Variants in RBMS3 observed in about 807,000 individuals in gnomAD.
RBMS3 encodes the protein RNA-binding motif, single-stranded-interacting protein 3.
A neutral mutation model predicts 66.8 loss-of-function variants in RBMS3; 27 were observed. The ratio of observed to expected loss-of-function variants is 0.40; its 90% CI spans 0.30 to 0.56. The LOEUF (loss-of-function observed/expected upper bound fraction) is 0.56, where lower values mean the gene tolerates loss of function less well. Ranked by LOEUF, RBMS3 falls within the 20% of genes least tolerant of loss-of-function variation. The pLI is 0.40. For synonymous variants in RBMS3, 188 were observed against 183.0 expected, an observed-to-expected ratio of 1.03 and a Z score of -0.22; for missense variants, 513 against 549.5, an observed-to-expected ratio of 0.93 and a Z score of 0.66.
intron 3 of RBMS3, among the ~76,000 whole-genome samples, chr3:29,517,345 CAG>C (rs2044682919): frequency 7.3e-6 from 1 of 136,084 alleles, no homozygotes; most frequent in Non-Finnish European, 1.6e-5. Context: ...TTTTTTGAAA[CAG>C]AGTCTCGCTC....
intron 6 of RBMS3, among the ~76,000 whole-genome samples, chr3:29,832,967 C>T (rs1433388104): frequency 6.6e-6 from 1 of 152,140 alleles, no homozygotes; most frequent in Admixed American, 6.5e-5. Flanking sequence ...TGAGAGAAGG[C>T]ATATGAACTT....
At chr3:29,842,860 G>A (rs772602544) in intron 6 of RBMS3, among the ~76,000 whole-genome samples, 1 of 152,228 alleles carries the variant, frequency 6.6e-6, no homozygotes, top group Non-Finnish European at 1.5e-5. Flanking sequence ...TCTAGAACCT[G>A]AAAAGGCAAG....
intron 4 of RBMS3, among the ~76,000 whole-genome samples, chr3:29,660,051 T>A (rs537009043): frequency 6.6e-6 from 1 of 152,334 alleles, no homozygotes; most frequent in African/African-American, 2.4e-5. Context: ...ACCTCCTTGG[T>A]TAAATTAATT....
intron 12 of RBMS3, among the ~76,000 whole-genome samples, chr3:29,963,450 A>G (rs1042908889): frequency 6.6e-6 from 1 of 152,214 alleles, no homozygotes; most frequent in Non-Finnish European, 1.5e-5. Flanking sequence ...TACTTAAACA[A>G]AAAACGTATA....
chr3:29,823,329 G>C (rs1166441436), intron 6 of RBMS3, among the ~76,000 whole-genome samples: 1 of 151,962 alleles, frequency 6.6e-6, no homozygotes, highest in Non-Finnish European at 1.5e-5. Flanking sequence ...GGAAAATTCT[G>C]TACTCTTTTA....
chr3:29,822,245 T>C (rs1327771695), intron 6 of RBMS3, among the ~76,000 whole-genome samples: 1 of 152,192 alleles, frequency 6.6e-6, no homozygotes, highest in Admixed American at 6.5e-5. Flanking sequence ...TTGAGAACTT[T>C]ATTTCTCACT....
At chr3:29,547,095 C>T (rs2045983155) in intron 3 of RBMS3, among the ~76,000 whole-genome samples, 1 of 152,108 alleles carries the variant, frequency 6.6e-6, no homozygotes. Flanking sequence ...CCCATCTCAG[C>T]CTTTCAAGTA....
chr3:29,577,831 C>T (rs899696622), intron 3 of RBMS3, among the ~76,000 whole-genome samples: 1 of 152,144 alleles, frequency 6.6e-6, no homozygotes, highest in Non-Finnish European at 1.5e-5. Flanking sequence ...CTTTCCTGTT[C>T]TCCTCAATGT....
At chr3:29,985,964 G>A (rs966701715) in intron 12 of RBMS3, among the ~76,000 whole-genome samples, 7 of 152,158 alleles carry the variant, frequency 4.6e-5, no homozygotes, top group African/African-American at 1.2e-4. Context: ...TTTCTTCTTA[G>A]AGATGTAGAG....
chr3:29,655,412 C>T (rs1023276528), intron 4 of RBMS3, among the ~76,000 whole-genome samples: 1 of 152,166 alleles, frequency 6.6e-6, no homozygotes, highest in African/African-American at 2.4e-5. Context: ...TTTAGTCATG[C>T]ACCACATAAA....
intron 4 of RBMS3, among the ~76,000 whole-genome samples, chr3:29,709,496 G>A (rs2053061736): frequency 6.6e-6 from 1 of 152,116 alleles, no homozygotes; most frequent in African/African-American, 2.4e-5. Flanking sequence ...GTGTAATGAA[G>A]CTTTTATAGT....
chr3:29,346,884 A>G (rs1342096362), intron 1 of RBMS3, among the ~76,000 whole-genome samples: 7 of 152,238 alleles, frequency 4.6e-5, no homozygotes, highest in Admixed American at 4.6e-4. Context: ...CACAAAGTAA[A>G]CATTACGTGA....
chr3:29,694,492 G>A (rs569017133), intron 4 of RBMS3, among the ~76,000 whole-genome samples: 1 of 152,136 alleles, frequency 6.6e-6, no homozygotes, highest in African/African-American at 2.4e-5. Context: ...AGTTATTACT[G>A]TAGAACTAGT....
In RBMS3 at chr3:29,862,887, C is replaced by A. The variant is rs2053860; in HGVS notation, c.638-5971C>A. Among the ~76,000 whole-genome samples, 48 of 149,396 alleles carry A rather than the reference C, an allele frequency of 3.2e-4. 4 individuals are homozygous for A. Among genetic ancestry groups the A allele is most frequent in the Admixed American group, 2.2e-3 (33 of 14,982 alleles). The stretch of plus-strand genomic sequence containing the variant: ...AAGAAAAAAAAAAAAAAGGAAGTGA[C>A]AGAGTGTAAACTATTCAGGGATGGA... On this transcript the variant is annotated intron_variant, in intron 6 of 14. Coordinates refer to ENST00000383767, the MANE Select transcript of RBMS3 (RefSeq NM_001003793.3).
intron 6 of RBMS3, among the ~76,000 whole-genome samples, chr3:29,782,858 CA>C (rs2056685884): frequency 6.6e-6 from 1 of 151,996 alleles, no homozygotes; most frequent in African/African-American, 2.4e-5. Context: ...TTCTGGAAAT[CA>C]AGGACACACT....
At chr3:29,603,251 G>A (rs2048207178) in intron 4 of RBMS3, among the ~76,000 whole-genome samples, 1 of 151,900 alleles carries the variant, frequency 6.6e-6, no homozygotes, top group Non-Finnish European at 1.5e-5. Flanking sequence ...AAAGCTCAAA[G>A]AGCCTAATTT....
At chr3:29,637,685 T>G (rs902392589) in intron 4 of RBMS3, among the ~76,000 whole-genome samples, 8 of 151,952 alleles carry the variant, frequency 5.3e-5, no homozygotes, top group African/African-American at 1.9e-4. Context: ...ATTAAAACAC[T>G]AAGTTTAGTA....
chr3:29,942,899 A>G (rs2061426771), intron 11 of RBMS3, among the ~76,000 whole-genome samples: 1 of 151,400 alleles, frequency 6.6e-6, no homozygotes, highest in South Asian at 2.1e-4. Context: ...AAAAAATTGG[A>G]AAAACTTTTA....
intron 1 of RBMS3, among the ~76,000 whole-genome samples, chr3:29,340,288 T>C (rs1281324981): frequency 6.6e-6 from 1 of 152,112 alleles, no homozygotes; most frequent in Non-Finnish European, 1.5e-5. Context: ...AGTGAAGAGC[T>C]CTGTGTACCA....
Sources: allele counts gnomAD v4.1 joint callset (sites outside exome capture counted in the v4.1 genomes callset), GRCh38; gene constraint gnomAD v4.1.1; transcripts MANE v1.5; gene names NCBI Gene and HGNC (gene_info 2026-07-23, HGNC 2026-07-21).